The following OPA1 variants were observed in gnomAD, a reference collection of about 807,000 sequenced individuals.
The protein encoded by OPA1 is OPA1 mitochondrial dynamin like GTPase.
Under a neutral mutation model 152.9 loss-of-function variants are expected in OPA1, and 59 were observed. The observed-to-expected ratio is 0.39, with a 90% CI of 0.31 to 0.48. The LOEUF (loss-of-function observed/expected upper bound fraction) is 0.48. Among genes scored for constraint, OPA1 ranks in the 20% least tolerant of loss-of-function variants. The pLI, the probability that OPA1 is intolerant of heterozygous loss-of-function variation, is 0.96. For synonymous variants in OPA1, 400 were observed against 389.9 expected (o/e 1.03, Z -0.31); for missense variants, 1,008 against 1,216.8 (o/e 0.83, Z 2.55).
At chr3:193,685,915 T>C (rs1286776853) in intron 29 of OPA1, among the ~76,000 whole-genome samples, 9 of 152,218 alleles carry the variant, frequency 5.9e-5, no homozygotes, top group Admixed American at 2.6e-4. Context: ...TATCCAGTTA[T>C]GAGGTTAACG....
chr3:193,617,385 T>A (rs971143307), intron 4 of OPA1, 100 bp downstream of exon 4: 2 of 726,078 alleles, frequency 2.8e-6, no homozygotes, highest in Non-Finnish European at 4.8e-6. Flanking sequence ...AATTAAAATA[T>A]TTAGTACCAA....
At chr3:193,678,077 TATTTC>T (rs1340937987) in intron 29 of OPA1, among the ~76,000 whole-genome samples, 1 of 152,256 alleles carries the variant, frequency 6.6e-6, no homozygotes, top group African/African-American at 2.4e-5. Context: ...GTGTACAGAA[TATTTC>T]ATTTCAATTT....
chr3:193,595,718 TGG>T (rs766724635), intron 1 of OPA1, among the ~76,000 whole-genome samples: 24 of 152,184 alleles, frequency 1.6e-4, no homozygotes, highest in Non-Finnish European at 3.1e-4. Context: ...TCATTTGACT[TGG>T]CACACTCAGT....
intron 5 of OPA1, 125 bp from the exon 6 acceptor site, chr3:193,618,744 G>C: frequency 1.3e-6 from 1 of 779,420 alleles, no homozygotes; most frequent in South Asian, 1.4e-5. Flanking sequence ...AAGGCGATTT[G>C]ATTCTTTGAA....
At chr3:193,633,972 G>A (rs570000924) in intron 8 of OPA1, among the ~76,000 whole-genome samples, 1 of 152,138 alleles carries the variant, frequency 6.6e-6, no homozygotes, top group Non-Finnish European at 1.5e-5. Flanking sequence ...CTATGTAGGT[G>A]TTCAATTATG....
intron 29 of OPA1, among the ~76,000 whole-genome samples, chr3:193,689,592 T>A (rs1721398275): frequency 6.6e-6 from 1 of 152,212 alleles, no homozygotes; most frequent in Admixed American, 6.5e-5. Flanking sequence ...AGGGTGGCTC[T>A]TGGTATCTTT....
chr3:193,664,039 AT>A (rs564787015), intron 26 of OPA1, among the ~76,000 whole-genome samples: 7 of 150,358 alleles, frequency 4.7e-5, no homozygotes, highest in African/African-American at 1.2e-4. Context: ...ATGTTACGTG[AT>A]TTTTTTTTTA....
intron 29 of OPA1, among the ~76,000 whole-genome samples, chr3:193,676,735 C>T (rs1428323209): frequency 6.6e-6 from 1 of 152,144 alleles, no homozygotes; most frequent in Non-Finnish European, 1.5e-5. Flanking sequence ...AATCCCAGCA[C>T]TTTAGGAGGC....
In OPA1 at chr3:193,643,179, C is replaced by T. The variant is rs117270233; in HGVS notation, c.1305+130C>T. On this transcript the variant is annotated intron_variant, in intron 13 of 30. Transcript: ENST00000361510. ...ATATGTAGAGCTTTTAAAAAAAAAT[C>T]CAAATAATATATCATTTTGTGGGTA... The T allele has an allele frequency of 1.7e-3, 1,541 of 914,072 alleles. 17 individuals are homozygous for T. In the East Asian group the frequency reaches 0.026, roughly 15 times the overall value. 56.6% of individuals were successfully genotyped at this position (914,072 alleles called of 1,614,324 possible).
At position 193,643,855 on chromosome 3, in the gene OPA1, C is replaced by T. The variant is rs566368946; in HGVS notation, c.1478-120C>T. 5.2e-5 allele frequency: 58 copies of T among 1,120,314 alleles called. 1 individual carries two copies. Among genetic ancestry groups the T allele is most frequent in the South Asian group, 3.0e-4 (21 of 70,288 alleles). The allele number at this position is 1,120,314 out of a possible 1,614,324, so 69.4% of individuals were successfully genotyped here. ...GCTAGGATTTCTTTTTAGTAAATAA[C>T]GTAAATGTATTAAAATCTTTCTTGC... On this transcript the variant is annotated intron_variant, in intron 15 of 30. Coordinates refer to ENST00000361510, the MANE Select transcript of OPA1 (RefSeq NM_130837.3).
chr3:193,681,222 C>T (rs1720078174), intron 29 of OPA1, among the ~76,000 whole-genome samples: 2 of 152,112 alleles, frequency 1.3e-5, no homozygotes, highest in South Asian at 4.1e-4. Flanking sequence ...TATGGCCCTG[C>T]AGAATATTCT....
intron 1 of OPA1, among the ~76,000 whole-genome samples, chr3:193,609,602 A>T (rs1727866371): frequency 6.6e-6 from 1 of 152,072 alleles, no homozygotes; most frequent in African/African-American, 2.4e-5. Flanking sequence ...TAGATTGGGG[A>T]AGTTCTCCTG....
At chr3:193,604,057 G>T (rs372886583) in intron 1 of OPA1, among the ~76,000 whole-genome samples, 5 of 152,200 alleles carry the variant, frequency 3.3e-5, no homozygotes, top group Non-Finnish European at 5.9e-5. Context: ...TTTCCACAGC[G>T]TGTGGGACTT....
intron 7 of OPA1, among the ~76,000 whole-genome samples, chr3:193,630,370 A>T (rs930583503): frequency 1.1e-4 from 17 of 152,220 alleles, no homozygotes; most frequent in Non-Finnish European, 1.9e-4. Context: ...AAAAAAGAAA[A>T]AAAGAGTGTA....
At chr3:193,607,985 T>C (rs1233091702) in intron 1 of OPA1, among the ~76,000 whole-genome samples, 3 of 152,354 alleles carry the variant, frequency 2.0e-5, no homozygotes, top group Non-Finnish European at 4.4e-5. Flanking sequence ...ACATCCCTTG[T>C]ATGTTGGATT....
intron 6 of OPA1, 27 bp from the exon 7 acceptor site, chr3:193,626,065 C>T (rs774594331): frequency 1.3e-6 from 2 of 1,555,434 alleles, no homozygotes; most frequent in South Asian, 2.2e-5. Flanking sequence ...CCAATTTCCT[C>T]TTCTCCTCAT....
At position 193,629,727 on chromosome 3, in the gene OPA1, T is replaced by C. The variant is rs537699085; in HGVS notation, c.790-1885T>C. On this transcript the variant is annotated intron_variant, in intron 7 of 30. Coordinates refer to ENST00000361510, the MANE Select transcript of OPA1 (RefSeq NM_130837.3). Reference sequence around the variant, plus strand: ...AACCTTATATCATTTTAACTTTTTATATAACTTTTTTATTTTACCAAATTA... The same window carrying C: ...AACCTTATATCATTTTAACTTTTTACATAACTTTTTTATTTTACCAAATTA... Among the ~76,000 whole-genome samples, 19 of 152,322 alleles carry C rather than the reference T, an allele frequency of 1.2e-4. No individual in the cohort carries two copies. The South Asian group carries it at 3.9e-3, about 32-fold the overall frequency.
chr3:193,693,017 G>A (rs1424957065), intron 30 of OPA1, among the ~76,000 whole-genome samples: 1 of 152,228 alleles, frequency 6.6e-6, no homozygotes, highest in African/African-American at 2.4e-5. Context: ...AAATACTGTA[G>A]TTAAGTCATT....
chr3:193,676,797 A>G lies in OPA1; in HGVS notation c.2983+9517A>G, dbSNP rs193045429. Reference sequence around the variant, plus strand: ...AGATCCAGACCATCCTGGCTAACACAGTGAAACCCCGTCTCTACTAAAAAT... The same window carrying G: ...AGATCCAGACCATCCTGGCTAACACGGTGAAACCCCGTCTCTACTAAAAAT... On this transcript the variant is annotated intron_variant, in intron 29 of 30. Transcript: ENST00000361510. Among the ~76,000 whole-genome samples the G allele has an allele frequency of 6.2e-3, 950 of 152,098 alleles. 7 individuals carry two copies. The highest frequency in any genetic ancestry group is 0.023 in the East Asian group (119 of 5,144).
Sources: gnomAD v4.1 joint callset for allele counts (sites outside exome capture counted in the v4.1 genomes callset) on GRCh38, gnomAD v4.1.1 for gene constraint, MANE v1.5 for transcripts, NCBI Gene and HGNC (gene_info 2026-07-23, HGNC 2026-07-21) for gene names.